The following PSD3 variants were observed in gnomAD, a reference collection of about 807,000 sequenced individuals.
PSD3 encodes PH and SEC7 domain-containing protein 3.
PSD3 carries 49 observed loss-of-function variants against 105.5 expected under a neutral mutation model. That is an observed-to-expected ratio of 0.46 (90% CI 0.37 to 0.59). PSD3 has a LOEUF of 0.59. Among genes scored for constraint, PSD3 ranks in the 20% least tolerant of loss-of-function variants. The pLI is 0.00. For missense variants in PSD3, 1,561 were observed against 1,263.8 expected, an observed-to-expected ratio of 1.24 and a Z score of -3.57; for synonymous variants, 557 against 457.8, an observed-to-expected ratio of 1.22 and a Z score of -2.77.
At chr8:19,007,832 TTTTTTATTTTTA>T (rs962826400) in intron 1 of PSD3, among the ~76,000 whole-genome samples, 5 of 152,092 alleles carry the variant, frequency 3.3e-5, no homozygotes, top group Admixed American at 1.3e-4. Flanking sequence ...TCAAGGGAGA[TTTTTTATTTTTA>T]TTTTTATTTT....
chr8:18,935,326 A>G (rs533043283), intron 2 of PSD3, among the ~76,000 whole-genome samples: 1 of 152,276 alleles, frequency 6.6e-6, no homozygotes, highest in South Asian at 2.1e-4. Context: ...TAAAGACTGC[A>G]GTGGCTGAAA....
At chr8:18,611,529 T>C (rs1805263197) in intron 11 of PSD3, among the ~76,000 whole-genome samples, 1 of 152,208 alleles carries the variant, frequency 6.6e-6, no homozygotes, top group African/African-American at 2.4e-5. Context: ...ATGCTTTACT[T>C]TCTTCCTGTA....
In PSD3 at chr8:18,923,576, T is replaced by C. The variant is rs112931477; in HGVS notation, c.130+12458A>G. On this transcript the variant is annotated intron_variant, in intron 2 of 15. Transcript: ENST00000327040. Reference sequence around the variant, plus strand: ...ACATACAAAGACCACTGTGTTACAATTGCCCACAGTATTCAATACAGTAAT... The same window carrying C: ...ACATACAAAGACCACTGTGTTACAACTGCCCACAGTATTCAATACAGTAAT... Among the ~76,000 whole-genome samples the C allele has an allele frequency of 5.4e-4, 83 of 152,326 alleles. 1 individual carries two copies. The highest frequency in any genetic ancestry group is 1.9e-3 in the African/African-American group (77 of 41,560).
At chr8:18,946,076 C>T (rs1005835582) in intron 1 of PSD3, among the ~76,000 whole-genome samples, 1 of 152,212 alleles carries the variant, frequency 6.6e-6, no homozygotes, top group Non-Finnish European at 1.5e-5. Context: ...ACAAGACTAA[C>T]ATGTAACTTG....
At chr8:18,666,271 G>T (rs1282355767) in intron 9 of PSD3, among the ~76,000 whole-genome samples, 1 of 152,160 alleles carries the variant, frequency 6.6e-6, no homozygotes, top group Non-Finnish European at 1.5e-5. Context: ...GGCTGGTCTT[G>T]AACTCCTGAC....
intron 2 of PSD3, among the ~76,000 whole-genome samples, chr8:18,912,434 A>T (rs1820290048): frequency 6.6e-6 from 1 of 151,874 alleles, no homozygotes; most frequent in Non-Finnish European, 1.5e-5. Context: ...CTTAAAAGGA[A>T]TAAAACTTTT....
At chr8:18,915,710 T>C (rs1053404701) in intron 2 of PSD3, among the ~76,000 whole-genome samples, 3 of 151,934 alleles carry the variant, frequency 2.0e-5, no homozygotes, top group African/African-American at 7.3e-5. Flanking sequence ...ATGGCTAATA[T>C]CAAAAAGATA....
chr8:18,984,481 C>A (rs1825398923), intron 1 of PSD3, among the ~76,000 whole-genome samples: 1 of 151,932 alleles, frequency 6.6e-6, no homozygotes, highest in East Asian at 1.9e-4. Context: ...GTATTAAGTG[C>A]ATACATTAAA....
intron 14 of PSD3, among the ~76,000 whole-genome samples, chr8:18,572,280 A>G (rs774570767): frequency 3.7e-4 from 57 of 152,214 alleles, no homozygotes; most frequent in Non-Finnish European, 6.9e-4. Flanking sequence ...CTCATAATGA[A>G]CTAATATAAA....
chr8:18,882,248 A>G (rs1328996173), intron 2 of PSD3, among the ~76,000 whole-genome samples: 1 of 152,124 alleles, frequency 6.6e-6, no homozygotes, highest in Non-Finnish European at 1.5e-5. Flanking sequence ...CTTAAGACAG[A>G]AGCAAAAAAG....
intron 9 of PSD3, among the ~76,000 whole-genome samples, chr8:18,707,672 G>C (rs1801985144): frequency 6.6e-6 from 1 of 152,160 alleles, no homozygotes; most frequent in African/African-American, 2.4e-5. Context: ...CTGGGATTCA[G>C]GGCCCATGTT....
At chr8:18,875,318 T>C (rs1382898655) in intron 2 of PSD3, among the ~76,000 whole-genome samples, 1 of 152,188 alleles carries the variant, frequency 6.6e-6, no homozygotes, top group East Asian at 1.9e-4. Context: ...TAATAAAATG[T>C]AGCTTGCTTA....
At chr8:18,622,896 T>C (rs564572207) in intron 11 of PSD3, among the ~76,000 whole-genome samples, 3 of 152,348 alleles carry the variant, frequency 2.0e-5, no homozygotes, top group African/African-American at 7.2e-5. Flanking sequence ...CAGGTTCAAG[T>C]TGCACAATAT....
intron 12 of PSD3, among the ~76,000 whole-genome samples, chr8:18,581,816 C>T (rs1802836487): frequency 6.6e-6 from 1 of 152,170 alleles, no homozygotes; most frequent in South Asian, 2.1e-4. Context: ...CCCAACATGA[C>T]ATTTTGTAAA....
At chr8:18,810,173 T>C (rs942814960) in intron 4 of PSD3, among the ~76,000 whole-genome samples, 2 of 152,188 alleles carry the variant, frequency 1.3e-5, no homozygotes, top group African/African-American at 4.8e-5. Flanking sequence ...GAACTCTTAG[T>C]GCTATCTTTT....
At chr8:18,772,082 G>A (rs1384230908) in intron 8 of PSD3, among the ~76,000 whole-genome samples, 1 of 152,060 alleles carries the variant, frequency 6.6e-6, no homozygotes, top group African/African-American at 2.4e-5. Flanking sequence ...AAGGCTGAAC[G>A]ATTTTCCATT....
chr8:18,619,628 A>C (rs2130703711), intron 11 of PSD3, among the ~76,000 whole-genome samples: 1 of 150,506 alleles, frequency 6.6e-6, no homozygotes, highest in East Asian at 2.0e-4. Context: ...GGGCAACAAG[A>C]GTGAAACCTC....
intron 4 of PSD3, among the ~76,000 whole-genome samples, chr8:18,842,262 G>C (rs993873206): frequency 6.6e-6 from 1 of 152,180 alleles, no homozygotes; most frequent in Non-Finnish European, 1.5e-5. Context: ...TAAACCCAAG[G>C]CAGCTGAAGA....
At chr8:18,931,064 T>C (rs1036559107) in intron 2 of PSD3, among the ~76,000 whole-genome samples, 1 of 152,220 alleles carries the variant, frequency 6.6e-6, no homozygotes, top group Non-Finnish European at 1.5e-5. Context: ...TCTTTTCATG[T>C]GCTTACCTGC....
Sources: allele counts gnomAD v4.1 joint callset (sites outside exome capture counted in the v4.1 genomes callset), GRCh38; gene constraint gnomAD v4.1.1; transcripts MANE v1.5; gene names NCBI Gene and HGNC (gene_info 2026-07-23, HGNC 2026-07-21).